Variants in NRXN1 observed in about 807,000 individuals in gnomAD.
NRXN1 encodes neurexin-1.
A neutral mutation model predicts 150.9 loss-of-function variants in NRXN1; 39 were observed. The observed-to-expected ratio is 0.26, with a 90% CI of 0.20 to 0.34. The LOEUF is 0.34. NRXN1 is among the 10% of genes least tolerant of loss of function. The probability of loss-of-function intolerance (pLI) is 1.00; values close to 1 mark genes in which losing one functional copy is unlikely to be tolerated. For missense variants in NRXN1, 1,815 were observed against 1,949.9 expected, an observed-to-expected ratio of 0.93 and a Z score of 1.30; for synonymous variants, 924 against 757.0, an observed-to-expected ratio of 1.22 and a Z score of -3.62.
intron 5 of NRXN1, among the ~76,000 whole-genome samples, chr2:50,659,374 G>A (rs1450987374): frequency 6.6e-6 from 1 of 151,808 alleles, no homozygotes; most frequent in Non-Finnish European, 1.5e-5. Flanking sequence ...TTTTATTTGG[G>A]TATACAGGAT....
chr2:50,569,497 G>A (rs1330778438), intron 8 of NRXN1, among the ~76,000 whole-genome samples: 1 of 151,838 alleles, frequency 6.6e-6, no homozygotes, highest in African/African-American at 2.4e-5. Context: ...ACAGAAACCA[G>A]TCAAAATTTG....
chr2:50,312,757 G>A, intron 17 of NRXN1: 1 of 516,614 alleles, frequency 1.9e-6, no homozygotes, highest in Non-Finnish European at 3.9e-6. Context: ...TACATATGTT[G>A]CAATTTCAGC....
intron 12 of NRXN1, among the ~76,000 whole-genome samples, chr2:50,511,255 T>A (rs1326909415): frequency 6.6e-6 from 1 of 152,136 alleles, no homozygotes; most frequent in Non-Finnish European, 1.5e-5. Flanking sequence ...ACATGGAGTT[T>A]CACCATGTTC....
intron 18 of NRXN1, among the ~76,000 whole-genome samples, chr2:50,208,045 C>T (rs1375689808): frequency 1.3e-5 from 2 of 152,108 alleles, no homozygotes; most frequent in Non-Finnish European, 2.9e-5. Flanking sequence ...CTGCTGTGCT[C>T]CACTAGTTAG....
At chr2:51,000,958 A>T (rs1440464984) in intron 2 of NRXN1, among the ~76,000 whole-genome samples, 2 of 151,946 alleles carry the variant, frequency 1.3e-5, no homozygotes, top group African/African-American at 2.4e-5. Context: ...GACCAGGAAC[A>T]AATTATAATT....
intron 5 of NRXN1, among the ~76,000 whole-genome samples, chr2:50,921,257 A>C (rs2104271194): frequency 6.6e-6 from 1 of 151,944 alleles, no homozygotes; most frequent in South Asian, 2.1e-4. Flanking sequence ...CAAAGAGTAC[A>C]CATGCCTGAC....
intron 5 of NRXN1, among the ~76,000 whole-genome samples, chr2:50,787,715 A>T (rs1405220875): frequency 8.1e-6 from 1 of 123,298 alleles, no homozygotes; most frequent in Non-Finnish European, 1.9e-5. Context: ...CATGTATTAA[A>T]AAAAAAAAAA....
intron 17 of NRXN1, among the ~76,000 whole-genome samples, chr2:50,320,100 C>T (rs2075901624): frequency 6.7e-6 from 1 of 150,252 alleles, no homozygotes; most frequent in African/African-American, 2.4e-5. Context: ...CTGGACCATT[C>T]CAAACACTAA....
chr2:50,439,733 C>T (rs1179773933), intron 17 of NRXN1, among the ~76,000 whole-genome samples: 3 of 151,194 alleles, frequency 2.0e-5, no homozygotes, highest in South Asian at 2.1e-4. Flanking sequence ...AGGAGAATGG[C>T]GTGAACCTGG....
chr2:49,992,245 G>GA, intron 21 of NRXN1, among the ~76,000 whole-genome samples: 1 of 152,002 alleles, frequency 6.6e-6, no homozygotes, highest in South Asian at 2.1e-4. Context: ...TTAAAATAAA[G>GA]AAAAAACTTT....
intron 8 of NRXN1, among the ~76,000 whole-genome samples, chr2:50,596,285 TTTTCTCAGATCGTTGTCC>T (rs147883014): frequency 0.26 from 39,113 of 152,094 alleles, 5,482 homozygotes; most frequent in Middle Eastern, 0.38. Context: ...TTCCACTACC[TTTTCTCAGATCGTTGTCC>T]TTTCTCAGAT....
chr2:50,331,456 C>T (rs2076831264), intron 17 of NRXN1, among the ~76,000 whole-genome samples: 1 of 152,076 alleles, frequency 6.6e-6, no homozygotes, highest in Non-Finnish European at 1.5e-5. Context: ...AAGTATAACT[C>T]CACACCAAAA....
intron 15 of NRXN1, among the ~76,000 whole-genome samples, chr2:50,485,139 T>C (rs2090771718): frequency 6.6e-6 from 1 of 152,204 alleles, no homozygotes. Context: ...GATCTAATTG[T>C]TGTGAGGATT....
At chr2:50,358,136 A>G (rs1229458348) in intron 17 of NRXN1, among the ~76,000 whole-genome samples, 1 of 152,156 alleles carries the variant, frequency 6.6e-6, no homozygotes, top group African/African-American at 2.4e-5. Context: ...CTGGGTTTCA[A>G]GCACAAAACT....
Position 50,866,936 on chromosome 2 carries a change from G to A in NRXN1, c.832+54933C>T, listed in dbSNP as rs146661561. ...ATCACTACTAACTGACAATGTAGTC[G>A]AGAACAGGGTCTGTTTCCATAATAC... is the stretch of plus-strand genomic sequence containing the variant. On this transcript the variant is annotated intron_variant, in intron 5 of 22. Transcript: ENST00000401669. 2.3e-4 allele frequency among the ~76,000 whole-genome samples: 35 copies of A among 151,988 alleles called. No homozygotes were observed. In the East Asian group the frequency reaches 5.6e-3, roughly 25 times the overall value.
intron 5 of NRXN1, among the ~76,000 whole-genome samples, chr2:50,739,002 G>C (rs563833954): frequency 4.6e-5 from 7 of 152,238 alleles, no homozygotes; most frequent in African/African-American, 1.2e-4. Context: ...GTTTGGCTCA[G>C]TGCTCTATTA....
At chr2:49,925,218 T>G (rs1414227516) in intron 22 of NRXN1, among the ~76,000 whole-genome samples, 1 of 148,766 alleles carries the variant, frequency 6.7e-6, no homozygotes, top group Non-Finnish European at 1.5e-5. Context: ...AGGCAGAGGT[T>G]GCAGTGAGCT....
At chr2:50,084,238 C>T (rs1330892868) in intron 19 of NRXN1, among the ~76,000 whole-genome samples, 3 of 152,334 alleles carry the variant, frequency 2.0e-5, no homozygotes, top group Admixed American at 6.5e-5. Flanking sequence ...CATGCCCTTG[C>T]GCGGTGGATG....
chr2:50,819,281 G>C (rs1669370411), intron 5 of NRXN1, among the ~76,000 whole-genome samples: 2 of 152,178 alleles, frequency 1.3e-5, no homozygotes, highest in African/African-American at 4.8e-5. Flanking sequence ...GAAACAACCT[G>C]TGTCCATTGA....
Sources: allele counts gnomAD v4.1 joint callset (sites outside exome capture counted in the v4.1 genomes callset), GRCh38; gene constraint gnomAD v4.1.1; transcripts MANE v1.5; gene names NCBI Gene and HGNC (gene_info 2026-07-23, HGNC 2026-07-21).